Variants in FRMD4B observed in about 807,000 individuals in gnomAD.
The protein encoded by FRMD4B is FERM domain-containing protein 4B.
Under a neutral mutation model 141.5 loss-of-function variants are expected in FRMD4B, and 74 were observed. The observed-to-expected ratio is 0.52, with a 90% CI of 0.43 to 0.63. The LOEUF is 0.63. FRMD4B is among the 30% of genes least tolerant of loss of function. The pLI, the probability that FRMD4B is intolerant of heterozygous loss-of-function variation, is 0.00. For missense variants in FRMD4B, 1,366 were observed against 1,253.4 expected (o/e 1.09, Z -1.36); for synonymous variants, 506 against 467.9 (o/e 1.08, Z -1.05).
intron 1 of FRMD4B, among the ~76,000 whole-genome samples, chr3:69,383,752 G>C (rs374059702): frequency 1.3e-5 from 2 of 151,832 alleles, no homozygotes; most frequent in Admixed American, 1.3e-4. Flanking sequence ...TAGAGATGGG[G>C]TCTCACTATG....
At chr3:69,200,567 C>G (rs955762199) in intron 11 of FRMD4B, 1 of 1,135,242 alleles carries the variant, frequency 8.8e-7, no homozygotes, top group African/African-American at 1.6e-5. Context: ...GAGCCTCCCA[C>G]GGCTGACACA....
intron 1 of FRMD4B, among the ~76,000 whole-genome samples, chr3:69,358,603 G>A (rs1453562864): frequency 1.3e-5 from 2 of 152,108 alleles, no homozygotes; most frequent in Non-Finnish European, 2.9e-5. Flanking sequence ...AAGTGTGGTG[G>A]CATGCGCCTA....
rs1290462356 is a variant in FRMD4B at position 69,478,804 on chromosome 3, G to T, written c.-128-46043C>A. Among the ~76,000 whole-genome samples the T allele has an allele frequency of 7.2e-5, 11 of 152,020 alleles. No homozygotes were observed. In the South Asian group the frequency reaches 1.0e-3, roughly 14 times the overall value. On this transcript the variant is annotated intron_variant, in intron 1 of 5. Transcript: ENST00000459638. ...TGATCTGTCTAAAGTTGACAGTGGG[G>T]TGTTAAAGTCTCCCATTATTATTGT...
At chr3:69,228,464 G>A (rs2093275353) in intron 7 of FRMD4B, 1 of 456,492 alleles carries the variant, frequency 2.2e-6, no homozygotes. Flanking sequence ...GAAGAGAGGA[G>A]AACATTGCCC....
At chr3:69,434,365 G>A (rs755218426) in intron 1 of FRMD4B, among the ~76,000 whole-genome samples, 1 of 152,174 alleles carries the variant, frequency 6.6e-6, no homozygotes. Flanking sequence ...AGATAATATG[G>A]ATGCTATTAT....
At chr3:69,424,549 A>T (rs1451986375) in intron 2 of FRMD4B, among the ~76,000 whole-genome samples, 1 of 152,214 alleles carries the variant, frequency 6.6e-6, no homozygotes, top group African/African-American at 2.4e-5. Flanking sequence ...ATCCACAGAC[A>T]AAGAGGGATG....
intron 2 of FRMD4B, among the ~76,000 whole-genome samples, chr3:69,392,320 G>A (rs1245121840): frequency 6.6e-6 from 1 of 152,142 alleles, no homozygotes; most frequent in Non-Finnish European, 1.5e-5. Flanking sequence ...TGAGGATGGG[G>A]GGATTAAGGG....
intron 1 of FRMD4B, among the ~76,000 whole-genome samples, chr3:69,315,604 T>C (rs12492475): frequency 0.37 from 56,410 of 152,118 alleles, 11,034 homozygotes; most frequent in East Asian, 0.59. Context: ...TTTTGCTTTT[T>C]AAATTCAATG....
upstream of FRMD4B, chr3:69,386,095 C>T: frequency 1.9e-6 from 2 of 1,072,958 alleles, no homozygotes; most frequent in African/African-American, 1.6e-5. Context: ...TGCTGGCAGC[C>T]GGGGGGTCAA....
intron 1 of FRMD4B, among the ~76,000 whole-genome samples, chr3:69,476,044 T>G (rs1186322800): frequency 3.3e-5 from 5 of 151,516 alleles, no homozygotes; most frequent in African/African-American, 4.9e-5. Flanking sequence ...ACCCACTTTT[T>G]GATGGGGTTG....
chr3:69,291,332 A>G (rs573838412), intron 4 of FRMD4B, among the ~76,000 whole-genome samples: 1 of 152,380 alleles, frequency 6.6e-6, no homozygotes, highest in South Asian at 2.1e-4. Context: ...AACAAAGCTC[A>G]TAAGAATTTC....
intron 1 of FRMD4B, among the ~76,000 whole-genome samples, chr3:69,484,488 A>G (rs1706181523): frequency 6.6e-6 from 1 of 152,206 alleles, no homozygotes; most frequent in Non-Finnish European, 1.5e-5. Context: ...AAAGGAGGGT[A>G]AACAAGATGA....
intron 7 of FRMD4B, among the ~76,000 whole-genome samples, chr3:69,235,429 G>A (rs1177415861): frequency 6.6e-6 from 1 of 151,922 alleles, no homozygotes; most frequent in Non-Finnish European, 1.5e-5. Context: ...GGAGGCAGAG[G>A]TGGGTGGATC....
intron 3 of FRMD4B, among the ~76,000 whole-genome samples, chr3:69,310,700 T>A (rs959590541): frequency 3.3e-5 from 5 of 151,668 alleles, no homozygotes; most frequent in Non-Finnish European, 5.9e-5. Context: ...TTGGGGAGCA[T>A]ATATATTGTT....
chr3:69,427,643 G>GTTTTTTTTTTTTTT lies in FRMD4B; in HGVS notation c.-1+4977_-1+4990dup, dbSNP rs774316609. ...GTGTTTAGTAAGAAGCTAGGTAAATGTTTTTTTTTTTTTTTTTTTTTTTTT... is the reference window on the plus strand; with the variant it reads ...GTGTTTAGTAAGAAGCTAGGTAAATGTTTTTTTTTTTTTTTTTTTTTTTTTTTTTTTTTTTTTTT... On this transcript the variant is annotated intron_variant, in intron 2 of 5. Transcript: ENST00000459638. Among the ~76,000 whole-genome samples the GTTTTTTTTTTTTTT allele has an allele frequency of 5.4e-3, 195 of 36,250 alleles. 34 individuals carry two copies. The highest frequency in any genetic ancestry group is 7.3e-3 in the Non-Finnish European group (143 of 19,576). 23.8% of individuals were successfully genotyped at this position (36,250 alleles called of 152,430 possible). A position where few individuals can be genotyped will look rare whatever the true frequency, so the allele number is the denominator to read the frequency against.
At chr3:69,440,394 T>C (rs1705325484) in intron 1 of FRMD4B, among the ~76,000 whole-genome samples, 1 of 152,246 alleles carries the variant, frequency 6.6e-6, no homozygotes, top group Non-Finnish European at 1.5e-5. Flanking sequence ...CTCTCTTTTC[T>C]GTCCTATTGA....
chr3:69,442,918 T>A (rs555585542), intron 1 of FRMD4B, among the ~76,000 whole-genome samples: 1 of 152,338 alleles, frequency 6.6e-6, no homozygotes, highest in African/African-American at 2.4e-5. Context: ...ATAAGAAATC[T>A]GTTTGTTCTT....
At chr3:69,399,573 T>A (rs555038638) in intron 2 of FRMD4B, among the ~76,000 whole-genome samples, 14 of 152,340 alleles carry the variant, frequency 9.2e-5, no homozygotes, top group African/African-American at 3.1e-4. Flanking sequence ...CTGTTTTATG[T>A]TTTGCCTCAT....
intron 1 of FRMD4B, among the ~76,000 whole-genome samples, chr3:69,372,724 G>A (rs1703861032): frequency 6.6e-6 from 1 of 152,142 alleles, no homozygotes; most frequent in African/African-American, 2.4e-5. Context: ...TAGAATGGTA[G>A]TTTAAATGAT....
Sources: gnomAD v4.1 joint callset for allele counts (sites outside exome capture counted in the v4.1 genomes callset) on GRCh38, gnomAD v4.1.1 for gene constraint, MANE v1.5 for transcripts, NCBI Gene and HGNC (gene_info 2026-07-23, HGNC 2026-07-21) for gene names.